The following STK32B variants were observed in gnomAD, a reference collection of about 807,000 sequenced individuals.
STK32B encodes serine/threonine kinase 32B, also known as serine/threonine-protein kinase 32B.
Under a neutral mutation model 52.6 loss-of-function variants are expected in STK32B, and 43 were observed. That is an observed-to-expected ratio of 0.82 (90% confidence interval 0.64 to 1.05). The LOEUF is 1.05. Among genes scored for constraint, STK32B ranks in the 50% least tolerant of loss-of-function variants. The probability of loss-of-function intolerance (pLI) is 0.00; values close to 1 mark genes in which losing one functional copy is unlikely to be tolerated. For synonymous variants in STK32B, 238 were observed against 204.3 expected, an observed-to-expected ratio of 1.17 and a Z score of -1.41; for missense variants, 621 against 534.6, an observed-to-expected ratio of 1.16 and a Z score of -1.59.
At chr4:5,269,144 T>G (rs970445102) in intron 3 of STK32B, among the ~76,000 whole-genome samples, 2 of 152,082 alleles carry the variant, frequency 1.3e-5, no homozygotes, top group African/African-American at 4.8e-5. Context: ...TCGAGAGATA[T>G]GAAGAGGGCT....
At chr4:5,384,491 G>C (rs2887543) in intron 4 of STK32B, among the ~76,000 whole-genome samples, 50,815 of 152,000 alleles carry the variant, frequency 0.33, 10,020 homozygotes, top group African/African-American at 0.55. Flanking sequence ...GTTGGGGCAG[G>C]TCAAAGAACC....
intron 3 of STK32B, among the ~76,000 whole-genome samples, chr4:5,318,381 G>A (rs954212362): frequency 2.0e-5 from 3 of 151,902 alleles, no homozygotes; most frequent in Non-Finnish European, 4.4e-5. Context: ...GATGGAGCAG[G>A]GAAAAGAACT....
the STK32B span, among the ~76,000 whole-genome samples, chr4:5,027,715 A>G: frequency 6.6e-6 from 1 of 152,132 alleles, no homozygotes; most frequent in Non-Finnish European, 1.5e-5. Context: ...TACAGGAGTG[A>G]TGATGGGCCC....
intron 3 of STK32B, among the ~76,000 whole-genome samples, chr4:5,322,476 C>T (rs1485964613): frequency 6.6e-6 from 1 of 152,130 alleles, no homozygotes; most frequent in East Asian, 1.9e-4. Flanking sequence ...AGTTGCCACA[C>T]AGTAAAAACA....
intron 3 of STK32B, among the ~76,000 whole-genome samples, chr4:5,174,392 A>C (rs1455594205): frequency 1.3e-5 from 2 of 152,134 alleles, no homozygotes; most frequent in Non-Finnish European, 2.9e-5. Flanking sequence ...GTTTCTTCCT[A>C]GCCTCGATGG....
At chr4:5,224,612 C>T (rs1185432024) in intron 3 of STK32B, among the ~76,000 whole-genome samples, 1 of 152,108 alleles carries the variant, frequency 6.6e-6, no homozygotes, top group Non-Finnish European at 1.5e-5. Context: ...GTGGTTTTCC[C>T]AGGAGAGCTT....
At position 5,467,923 on chromosome 4, in the gene STK32B, G is replaced by C; in HGVS notation, c.1042-83G>C. 1.3e-6 allele frequency: 2 copies of C among 1,504,460 alleles called. No individual in the cohort carries two copies. Among genetic ancestry groups the C allele is most frequent in the African/African-American group, 1.4e-5 (1 of 72,836 alleles). 93.2% of individuals were successfully genotyped at this position (1,504,460 alleles called of 1,614,324 possible). On this transcript the variant is annotated intron_variant, in intron 10 of 11. Coordinates refer to ENST00000282908, the MANE Select transcript of STK32B (RefSeq NM_018401.3). This position sits in a 1 kb window ranked among gnomAD's most constrained non-coding sequence, Gnocchi z 5.8. ...GCATCTGAGGTTTCCATCTAGGTCA[G>C]TCTGCCGTCCTGTGATGCTCCATTA...
chr4:5,484,580 C>A (rs1468010828), intron 11 of STK32B, among the ~76,000 whole-genome samples: 3 of 152,104 alleles, frequency 2.0e-5, no homozygotes, highest in Admixed American at 2.0e-4. Flanking sequence ...AGCATTTAGC[C>A]CATTTACATT....
chr4:5,480,236 C>G (rs1718581656), intron 11 of STK32B, among the ~76,000 whole-genome samples: 1 of 152,140 alleles, frequency 6.6e-6, no homozygotes, highest in Non-Finnish European at 1.5e-5. Context: ...GAGTCAAACT[C>G]TGTAAAATAT....
intron 4 of STK32B, among the ~76,000 whole-genome samples, chr4:5,372,726 G>T (rs144932802): frequency 0.011 from 1,719 of 150,410 alleles, 22 homozygotes; most frequent in South Asian, 0.059. Context: ...AAGTTGGGGG[G>T]GGGGGCGGTT....
chr4:5,041,079 G>A, the STK32B span, among the ~76,000 whole-genome samples: 3 of 152,140 alleles, frequency 2.0e-5, no homozygotes, highest in East Asian at 3.9e-4. Flanking sequence ...CTTCTGCTAC[G>A]TATGGTTCCT....
intron 3 of STK32B, among the ~76,000 whole-genome samples, chr4:5,178,582 C>A (rs184273114): frequency 6.6e-6 from 1 of 152,338 alleles, no homozygotes; most frequent in East Asian, 1.9e-4. Flanking sequence ...TTTCAGTTTG[C>A]ACATTTTCCA....
chr4:5,349,239 C>T (rs1733671589), intron 4 of STK32B, among the ~76,000 whole-genome samples: 1 of 152,266 alleles, frequency 6.6e-6, no homozygotes, highest in Non-Finnish European at 1.5e-5. Flanking sequence ...CAAGGACAGG[C>T]ACATGCACTC....
intron 3 of STK32B, among the ~76,000 whole-genome samples, chr4:5,289,210 A>G (rs933367422): frequency 4.6e-5 from 7 of 152,206 alleles, no homozygotes; most frequent in Non-Finnish European, 8.8e-5. Flanking sequence ...TTGTAACACA[A>G]TGGTAAGTAT....
At chr4:5,445,751 G>A (rs1715345941) in intron 6 of STK32B, among the ~76,000 whole-genome samples, 1 of 152,196 alleles carries the variant, frequency 6.6e-6, no homozygotes. Context: ...CACCGCCTCT[G>A]TCTAGTTCCA....
the STK32B span, among the ~76,000 whole-genome samples, chr4:5,022,242 T>C: frequency 1.3e-5 from 2 of 152,164 alleles, no homozygotes; most frequent in Non-Finnish European, 2.9e-5. Flanking sequence ...TTCTCATCTG[T>C]TTCTCGGCAC....
rs1305782879 is a variant in STK32B, at chr4:5,469,025, T to G, written c.1106+955T>G. Among the ~76,000 whole-genome samples, 1 of 142,720 alleles carries G rather than the reference T, an allele frequency of 7.0e-6. No homozygotes were observed. Among genetic ancestry groups the G allele is most frequent in the Non-Finnish European group, 1.5e-5 (1 of 66,582 alleles). The allele number at this position is 142,720 out of a possible 152,430, so 93.6% of individuals were successfully genotyped here. A position where few individuals can be genotyped will look rare whatever the true frequency, so the allele number is the denominator to read the frequency against. On this transcript the variant is annotated intron_variant, in intron 11 of 11. Transcript: ENST00000282908. This position sits in a 1 kb window ranked among gnomAD's most constrained non-coding sequence, Gnocchi z 4.7. ...AGATCGCGCACACTGCACTCCAGCC[T>G]GGGCGACAGAGCAAGACTCCGTCTC... is the stretch of plus-strand genomic sequence containing the variant.
At chr4:5,045,237 G>T in the STK32B span, among the ~76,000 whole-genome samples, 1 of 152,208 alleles carries the variant, frequency 6.6e-6, no homozygotes, top group Non-Finnish European at 1.5e-5. Flanking sequence ...TCTTTCATCT[G>T]CTCCATCTTC....
At chr4:5,194,568 C>T (rs1721493429) in intron 3 of STK32B, among the ~76,000 whole-genome samples, 1 of 152,168 alleles carries the variant, frequency 6.6e-6, no homozygotes, top group Non-Finnish European at 1.5e-5. Context: ...TTCAATGCGT[C>T]GATCTTAGGA....
Sources: allele counts gnomAD v4.1 joint callset (sites outside exome capture counted in the v4.1 genomes callset), GRCh38; gene constraint gnomAD v4.1.1; non-coding constraint Gnocchi (gnomAD v3.1); transcripts MANE v1.5; gene names NCBI Gene and HGNC (gene_info 2026-07-23, HGNC 2026-07-21).